Variants in PCA3 observed in about 807,000 individuals in gnomAD.
The protein encoded by PCA3 is Differential Display code 3.
intron 2 of PCA3, among the ~76,000 whole-genome samples, chr9:76,771,061 A>G (rs1564263569): frequency 6.6e-6 from 1 of 152,170 alleles, no homozygotes; most frequent in Admixed American, 6.5e-5. Context: ...TCGACAAAAA[A>G]TTATCTAAAG....
chr9:76,775,339 C>T (rs913846364), intron 2 of PCA3, among the ~76,000 whole-genome samples: 2 of 152,182 alleles, frequency 1.3e-5, no homozygotes, highest in African/African-American at 2.4e-5. Context: ...CTCTGTCTCC[C>T]AGCCTGGAGT....
At chr9:76,769,375 G>A (rs574651024) in intron 2 of PCA3, among the ~76,000 whole-genome samples, 28 of 152,320 alleles carry the variant, frequency 1.8e-4, no homozygotes, top group Non-Finnish European at 3.2e-4. Flanking sequence ...TATCATAATT[G>A]ATTCAATCCT....
intron 2 of PCA3, among the ~76,000 whole-genome samples, chr9:76,768,175 T>C (rs937139688): frequency 1.3e-5 from 2 of 151,528 alleles, no homozygotes; most frequent in African/African-American, 4.9e-5. Flanking sequence ...GCCCTTGAAC[T>C]AGTACTTCCA....
intron 2 of PCA3, chr9:76,782,756 G>A (rs1382534097): frequency 6.6e-6 from 1 of 152,198 alleles, no homozygotes; most frequent in Non-Finnish European, 1.5e-5. Flanking sequence ...CAGTGACACA[G>A]GGCTGGATCA....
chr9:76,768,506 T>C (rs1207720825), intron 2 of PCA3, among the ~76,000 whole-genome samples: 1 of 152,046 alleles, frequency 6.6e-6, no homozygotes, highest in Admixed American at 6.6e-5. Context: ...TTTCAACAAC[T>C]ATCAAGTCTG....
At chr9:76,776,893 T>TACACACACACACAC (rs541232508) in intron 2 of PCA3, among the ~76,000 whole-genome samples, 4 of 115,668 alleles carry the variant, frequency 3.5e-5, no homozygotes, top group African/African-American at 1.4e-4. Flanking sequence ...CCAAAACACA[T>TACACACACACACAC]ACACACACAC....
At chr9:76,766,458 A>G (rs1351290727) in intron 2 of PCA3, among the ~76,000 whole-genome samples, 1 of 152,122 alleles carries the variant, frequency 6.6e-6, no homozygotes, top group African/African-American at 2.4e-5. Flanking sequence ...CCTTATTTAA[A>G]ATAAAACACA....
intron 2 of PCA3, among the ~76,000 whole-genome samples, chr9:76,774,175 C>T (rs1287492519): frequency 2.0e-5 from 3 of 151,656 alleles, no homozygotes; most frequent in East Asian, 3.9e-4. Flanking sequence ...TCACTTTATC[C>T]CCCAGGCTGG....
At chr9:76,786,490 T>C (rs2131314865) in intron 2 of PCA3, 1 of 152,398 alleles carries the variant, frequency 6.6e-6, no homozygotes, top group Non-Finnish European at 1.5e-5. Context: ...TCTCCTATTA[T>C]GGATGCTAGC....
intron 2 of PCA3, among the ~76,000 whole-genome samples, chr9:76,770,193 C>T (rs982378731): frequency 6.6e-6 from 1 of 152,070 alleles, no homozygotes; most frequent in Non-Finnish European, 1.5e-5. Flanking sequence ...TCATTTGAGG[C>T]AACATTCTTT....
chr9:76,785,068 A>G (rs926570411), intron 2 of PCA3: 1 of 152,072 alleles, frequency 6.6e-6, no homozygotes, highest in Admixed American at 6.6e-5. Context: ...TTAGCCTTGT[A>G]CTGAGGCTGT....
intron 2 of PCA3, among the ~76,000 whole-genome samples, chr9:76,767,484 A>G (rs1307882290): frequency 2.0e-5 from 3 of 151,938 alleles, no homozygotes; most frequent in African/African-American, 7.3e-5. Context: ...AAAAGCACAG[A>G]TTCTTTATTT....
intron 2 of PCA3, among the ~76,000 whole-genome samples, chr9:76,782,433 A>G (rs1210330735): frequency 6.6e-6 from 1 of 152,150 alleles, no homozygotes; most frequent in Non-Finnish European, 1.5e-5. Flanking sequence ...TCATATTTTT[A>G]CAGCCTTGGG....
chr9:76,766,535 C>T (rs183511289), intron 2 of PCA3, among the ~76,000 whole-genome samples: 1 of 152,326 alleles, frequency 6.6e-6, no homozygotes, highest in Admixed American at 6.5e-5. Context: ...CTTTCTTGGA[C>T]AACTGGATCA....
At chr9:76,778,705 A>G (rs1241827398) in intron 2 of PCA3, 1 of 152,228 alleles carries the variant, frequency 6.6e-6, no homozygotes, top group Non-Finnish European at 1.5e-5. Flanking sequence ...AGTATGATCT[A>G]CTTCACTGGG....
At chr9:76,784,985 C>G (rs1469734877) in intron 2 of PCA3, 1 of 152,088 alleles carries the variant, frequency 6.6e-6, no homozygotes, top group Non-Finnish European at 1.5e-5. Flanking sequence ...ATTTTGTTTT[C>G]CAGTGCAAAG....
chr9:76,783,309 G>T (rs1261226467), intron 2 of PCA3, among the ~76,000 whole-genome samples: 1 of 152,004 alleles, frequency 6.6e-6, no homozygotes, highest in Admixed American at 6.5e-5. Flanking sequence ...GCTAATTTTT[G>T]TATTTTTAGT....
At chr9:76,774,097 G>C (rs888433285) in intron 2 of PCA3, among the ~76,000 whole-genome samples, 2 of 152,118 alleles carry the variant, frequency 1.3e-5, no homozygotes, top group African/African-American at 2.4e-5. Context: ...GCAGAGTAGA[G>C]GGAAAAGAAT....
intron 2 of PCA3, chr9:76,783,663 A>G (rs2054663113): frequency 6.6e-6 from 1 of 152,174 alleles, no homozygotes; most frequent in African/African-American, 2.4e-5. Flanking sequence ...GTATGCTGAC[A>G]CCTTGCCATT....
Sources: allele counts gnomAD v4.1 joint callset (sites outside exome capture counted in the v4.1 genomes callset), GRCh38; gene constraint gnomAD v4.1.1; transcripts MANE v1.5; gene names NCBI Gene and HGNC (gene_info 2026-07-23, HGNC 2026-07-21).